COL23A1: variants seen among roughly 807,000 people sequenced by gnomAD.
COL23A1 encodes collagen type XXIII alpha 1 chain, also known as collagen alpha-1(XXIII) chain.
In COL23A1, 97 loss-of-function variants were observed where a neutral mutation model predicts 99.3. That is an observed-to-expected ratio of 0.98 (90% CI 0.83 to 1.16). The LOEUF is 1.16. Ranked by LOEUF, COL23A1 falls within the 50% of genes most tolerant of loss-of-function variation. The probability of loss-of-function intolerance (pLI) is 0.00; values close to 1 mark genes in which losing one functional copy is unlikely to be tolerated. For synonymous variants in COL23A1, 320 were observed against 308.2 expected, an observed-to-expected ratio of 1.04 and a Z score of -0.40; for missense variants, 762 against 757.4, an observed-to-expected ratio of 1.01 and a Z score of -0.07.
chr5:178,282,213 G>A (rs893500963), intron 5 of COL23A1, among the ~76,000 whole-genome samples: 3 of 152,130 alleles, frequency 2.0e-5, no homozygotes, highest in African/African-American at 4.8e-5. Flanking sequence ...TTCTAATAAC[G>A]GCTATGACAC....
chr5:178,425,418 T>A (rs1223523008), intron 2 of COL23A1, among the ~76,000 whole-genome samples: 1 of 138,654 alleles, frequency 7.2e-6, no homozygotes, highest in Admixed American at 7.7e-5. Flanking sequence ...CAAGACTCCA[T>A]CTCAAAATAA....
At position 178,262,211 on chromosome 5, in the gene COL23A1, A is replaced by T. The variant is rs755004502; in HGVS notation, c.675+6T>A. 13 of 1,581,526 alleles carry T rather than the reference A, an allele frequency of 8.2e-6. No individual in the cohort carries two copies. In the Admixed American group the frequency reaches 2.4e-4, roughly 29 times the overall value. On this transcript the variant is annotated splice_donor_region_variant and intron_variant, in intron 10 of 28. Transcript: ENST00000390654. Reference sequence around the variant, plus strand: ...CCCAGGCCTCTGGAATGCCCTGGATACTGACCATCTCGCCGTCTTGTCCGG... The same window carrying T: ...CCCAGGCCTCTGGAATGCCCTGGATTCTGACCATCTCGCCGTCTTGTCCGG...
chr5:178,517,187 C>T (rs759747074), intron 2 of COL23A1, among the ~76,000 whole-genome samples: 1 of 152,226 alleles, frequency 6.6e-6, no homozygotes, highest in Non-Finnish European at 1.5e-5. Flanking sequence ...AGTCTTATTC[C>T]ACTATTGTAT....
At chr5:178,272,381 G>A (rs1207289727) in intron 5 of COL23A1, among the ~76,000 whole-genome samples, 2 of 152,214 alleles carry the variant, frequency 1.3e-5, no homozygotes, top group Non-Finnish European at 2.9e-5. Flanking sequence ...GGGGCTCGCG[G>A]CCAGGGCCTT....
intron 18 of COL23A1, among the ~76,000 whole-genome samples, chr5:178,249,459 C>T (rs539618421): frequency 6.6e-6 from 1 of 152,310 alleles, no homozygotes; most frequent in Admixed American, 6.5e-5. Context: ...ATCATGTGAG[C>T]CTGGAGCTGC....
chr5:178,460,865 A>C (rs1756081814), intron 2 of COL23A1, among the ~76,000 whole-genome samples: 1 of 152,234 alleles, frequency 6.6e-6, no homozygotes, highest in Non-Finnish European at 1.5e-5. Context: ...GTCTTCAGTC[A>C]GTGCGGGAGG....
chr5:178,402,796 G>A (rs1004470812), intron 2 of COL23A1, among the ~76,000 whole-genome samples: 2 of 151,942 alleles, frequency 1.3e-5, no homozygotes, highest in African/African-American at 2.4e-5. Context: ...TTATATGAAC[G>A]TATCAAAATA....
intron 2 of COL23A1, among the ~76,000 whole-genome samples, chr5:178,375,413 G>A (rs571454863): frequency 2.0e-5 from 3 of 152,308 alleles, no homozygotes; most frequent in African/African-American, 7.2e-5. Context: ...CCTGTCTTCC[G>A]CATGGCAGCC....
At chr5:178,352,704 C>T (rs1255154154) in intron 2 of COL23A1, among the ~76,000 whole-genome samples, 1 of 152,214 alleles carries the variant, frequency 6.6e-6, no homozygotes, top group Non-Finnish European at 1.5e-5. Context: ...AAGATGCATT[C>T]TCTTTCTAAG....
chr5:178,380,885 G>A (rs1763346420), intron 2 of COL23A1, among the ~76,000 whole-genome samples: 1 of 152,202 alleles, frequency 6.6e-6, no homozygotes, highest in Non-Finnish European at 1.5e-5. Flanking sequence ...CTGAGGCCAA[G>A]GCTGAGCAGG....
chr5:178,452,490 C>T (rs958414530), intron 2 of COL23A1, among the ~76,000 whole-genome samples: 5 of 152,056 alleles, frequency 3.3e-5, no homozygotes, highest in Non-Finnish European at 7.4e-5. Context: ...GATAAAATGG[C>T]CTAGATAAAA....
chr5:178,249,165 T>C lies in COL23A1; in HGVS notation c.1101A>G (p.Pro367=). ...GQKGDPGEPG[P]AGLKGEAGEM... ...CGCCTGCTTCCCCTTTGAGTCCTGC[T>C]GGCCCAGGCTCTCCTGGGTCTCCTT... Residue 367 remains proline, a synonymous_variant, in exon 19 of 29, where the codon CCA becomes CCG. Transcript: ENST00000390654. 1 of 1,614,180 alleles carries C rather than the reference T, an allele frequency of 6.2e-7. No homozygotes were observed. Among genetic ancestry groups the C allele is most frequent in the Non-Finnish European group, 8.5e-7 (1 of 1,179,984 alleles).
At chr5:178,507,727 T>C (rs1242829458) in intron 2 of COL23A1, among the ~76,000 whole-genome samples, 1 of 152,256 alleles carries the variant, frequency 6.6e-6, no homozygotes, top group Non-Finnish European at 1.5e-5. Flanking sequence ...AAGTAAAGTG[T>C]TGCTTCTCCC....
rs1381876388 is a variant in COL23A1 at position 178,309,266 on chromosome 5, G to A, written c.362-2347C>T. On this transcript the variant is annotated intron_variant, in intron 2 of 28. Coordinates refer to ENST00000390654, the MANE Select transcript of COL23A1 (RefSeq NM_173465.4). This position sits in a 1 kb window ranked among gnomAD's most constrained non-coding sequence, Gnocchi z 4.7. The stretch of plus-strand genomic sequence containing the variant: ...TGGTTAGGCAGAGGCTGATGGGGAG[G>A]GATGCTGGCAGGGTGGGCAGCTGCC... Among the ~76,000 whole-genome samples, 1 of 152,160 alleles carries A rather than the reference G, an allele frequency of 6.6e-6. No individual in the cohort carries two copies. The highest frequency in any genetic ancestry group is 2.4e-5 in the African/African-American group (1 of 41,436).
intron 2 of COL23A1, among the ~76,000 whole-genome samples, chr5:178,351,648 G>C (rs1332675329): frequency 6.6e-6 from 1 of 152,130 alleles, no homozygotes; most frequent in South Asian, 2.1e-4. Context: ...GGGTCATCTG[G>C]GGATCTCAGA....
intron 25 of COL23A1, among the ~76,000 whole-genome samples, chr5:178,244,546 G>C (rs1456736990): frequency 2.6e-5 from 4 of 152,190 alleles, no homozygotes; most frequent in Admixed American, 2.6e-4. Flanking sequence ...TTCTACTCTG[G>C]AGTCAAATTT....
chr5:178,451,075 C>G (rs1427710253), intron 2 of COL23A1, among the ~76,000 whole-genome samples: 1 of 152,148 alleles, frequency 6.6e-6, no homozygotes, highest in East Asian at 1.9e-4. Context: ...TTATCAACTT[C>G]TATTAAAAAG....
chr5:178,241,055 G>A (rs907164965), intron 27 of COL23A1, among the ~76,000 whole-genome samples: 2 of 152,176 alleles, frequency 1.3e-5, no homozygotes, highest in Non-Finnish European at 2.9e-5. Flanking sequence ...GACATTGCAA[G>A]ACCCCAGCTC....
chr5:178,308,844 C>T lies in COL23A1; in HGVS notation c.362-1925G>A, dbSNP rs1758508513. ...AGCACTCTCGGGGGGGGCTTTCCTC[C>T]TCTCTGGGCCTGTTTTCAATGAGAG... On this transcript the variant is annotated intron_variant, in intron 2 of 28. Coordinates refer to ENST00000390654, the MANE Select transcript of COL23A1 (RefSeq NM_173465.4). This position sits in a 1 kb window ranked among gnomAD's most constrained non-coding sequence, Gnocchi z 5.1. Among the ~76,000 whole-genome samples the T allele has an allele frequency of 6.6e-6, 1 of 151,778 alleles. No individual in the cohort carries two copies.
Sources: gnomAD v4.1 joint callset for allele counts (sites outside exome capture counted in the v4.1 genomes callset) on GRCh38, gnomAD v4.1.1 for gene constraint, Gnocchi (gnomAD v3.1) non-coding constraint, MANE v1.5 for transcripts, NCBI Gene and HGNC (gene_info 2026-07-23, HGNC 2026-07-21) for gene names.